Variants in HCN1 observed in about 807,000 individuals in gnomAD.
HCN1 encodes potassium/sodium hyperpolarization-activated cyclic nucleotide-gated channel 1.
In HCN1, 13 loss-of-function variants were observed where a neutral mutation model predicts 78.9. The ratio of observed to expected loss-of-function variants is 0.16; its 90% confidence interval spans 0.11 to 0.26. The LOEUF (loss-of-function observed/expected upper bound fraction) is 0.26, where lower values mean the gene tolerates loss of function less well. HCN1 is among the 10% of genes least tolerant of loss of function. The probability of loss-of-function intolerance (pLI) is 1.00; values close to 1 mark genes in which losing one functional copy is unlikely to be tolerated. For missense variants in HCN1, 810 were observed against 1,154.3 expected (o/e 0.70, Z 4.32); for synonymous variants, 552 against 455.5 (o/e 1.21, Z -2.70).
At chr5:45,467,246 G>A (rs1741292429) in intron 2 of HCN1, among the ~76,000 whole-genome samples, 1 of 152,028 alleles carries the variant, frequency 6.6e-6, no homozygotes, top group African/African-American at 2.4e-5. Flanking sequence ...CTTTCTCAAA[G>A]TTTGTTCACT....
At chr5:45,448,223 T>C (rs772055147) in intron 3 of HCN1, among the ~76,000 whole-genome samples, 3 of 152,204 alleles carry the variant, frequency 2.0e-5, no homozygotes, top group Non-Finnish European at 2.9e-5. Context: ...AATCAGTCCA[T>C]CATTTTTCTC....
intron 2 of HCN1, chr5:45,559,204 T>C (rs1290219873): frequency 6.6e-6 from 1 of 152,052 alleles, no homozygotes; most frequent in Non-Finnish European, 1.5e-5. Context: ...CTGATGGATA[T>C]GTACAAGGAA....
chr5:45,429,682 G>T (rs1276344947), intron 3 of HCN1, among the ~76,000 whole-genome samples: 1 of 152,140 alleles, frequency 6.6e-6, no homozygotes, highest in Non-Finnish European at 1.5e-5. Context: ...TATTGAATTG[G>T]TAATGAAAGT....
intron 6 of HCN1, among the ~76,000 whole-genome samples, chr5:45,274,328 G>C (rs745443880): frequency 3.0e-4 from 46 of 152,024 alleles, no homozygotes; most frequent in Non-Finnish European, 6.2e-4. Flanking sequence ...ACAAATCTTA[G>C]CTCCAAGTTC....
chr5:45,498,227 C>G (rs1317930521), intron 2 of HCN1, among the ~76,000 whole-genome samples: 1 of 152,292 alleles, frequency 6.6e-6, no homozygotes, highest in South Asian at 2.1e-4. Flanking sequence ...GTACACCAAT[C>G]AGATGTAGAT....
intron 3 of HCN1, among the ~76,000 whole-genome samples, chr5:45,426,756 A>G (rs926155677): frequency 2.0e-5 from 3 of 152,206 alleles, no homozygotes; most frequent in African/African-American, 7.2e-5. Context: ...TCTGCTCTTC[A>G]TATGAAATCT....
At chr5:45,590,393 A>G (rs1431536937) in intron 2 of HCN1, among the ~76,000 whole-genome samples, 1 of 152,156 alleles carries the variant, frequency 6.6e-6, no homozygotes, top group Non-Finnish European at 1.5e-5. Context: ...GCTTCCTCCA[A>G]CATCAACATC....
chr5:45,262,668 A>G lies in HCN1; in HGVS notation c.1926T>C (p.Pro642=), dbSNP rs758646136. Residue 642 remains proline, a synonymous_variant, in exon 8 of 8, where the codon CCT becomes CCC. Coordinates refer to ENST00000303230, the MANE Select transcript of HCN1 (RefSeq NM_021072.4). Reference sequence around the variant, plus strand: ...ATGTGGAATTCAGGGTTGTCATTTGAGGATAATTGATGGGAGCGATTGCCT... The same window carrying G: ...ATGTGGAATTCAGGGTTGTCATTTGGGGATAATTGATGGGAGCGATTGCCT... ...MVQAIAPINY[P]QMTTLNSTSS... is the part of the protein sequence containing the mutation. 1.9e-6 allele frequency: 3 copies of G among 1,614,088 alleles called. No individual in the cohort carries two copies. The African/African-American group carries it at 4.0e-5, about 22-fold the overall frequency.
chr5:45,620,242 T>G (rs1261190313), intron 2 of HCN1, among the ~76,000 whole-genome samples: 1 of 152,054 alleles, frequency 6.6e-6, no homozygotes, highest in South Asian at 2.1e-4. Context: ...GGTATGCATA[T>G]TTAATCCTAC....
At chr5:45,470,978 G>A (rs762681231) in intron 2 of HCN1, among the ~76,000 whole-genome samples, 5 of 151,794 alleles carry the variant, frequency 3.3e-5, no homozygotes, top group Non-Finnish European at 7.4e-5. Flanking sequence ...ATTTAAGTGG[G>A]AGATTGGTTA....
intron 2 of HCN1, among the ~76,000 whole-genome samples, chr5:45,610,961 A>G (rs1241928260): frequency 5.9e-5 from 9 of 152,070 alleles, no homozygotes; most frequent in Non-Finnish European, 1.2e-4. Flanking sequence ...ATAATAAAAA[A>G]CAACTTGTAA....
intron 1 of HCN1, among the ~76,000 whole-genome samples, chr5:45,693,137 T>A (rs1450583210): frequency 6.6e-6 from 1 of 152,170 alleles, no homozygotes; most frequent in African/African-American, 2.4e-5. Flanking sequence ...ACTCACACAT[T>A]CCTTTCCCTG....
chr5:45,658,923 C>A (rs1001668245), intron 1 of HCN1, among the ~76,000 whole-genome samples: 32 of 143,490 alleles, frequency 2.2e-4, no homozygotes, highest in African/African-American at 7.9e-4. Flanking sequence ...ACAAAGCAGC[C>A]GGGAAGCTCG....
chr5:45,483,758 T>C (rs1012459766), intron 2 of HCN1, among the ~76,000 whole-genome samples: 1 of 152,142 alleles, frequency 6.6e-6, no homozygotes, highest in African/African-American at 2.4e-5. Flanking sequence ...TGAAGTCTTA[T>C]ATTTAAATCT....
At chr5:45,655,514 C>T (rs1217495843) in intron 1 of HCN1, among the ~76,000 whole-genome samples, 4 of 152,092 alleles carry the variant, frequency 2.6e-5, no homozygotes, top group South Asian at 2.1e-4. Context: ...TTTTAAAAAT[C>T]GTACACTTAT....
intron 5 of HCN1, among the ~76,000 whole-genome samples, chr5:45,321,600 A>C (rs984116721): frequency 4.0e-5 from 6 of 150,376 alleles, no homozygotes; most frequent in Non-Finnish European, 8.8e-5. Flanking sequence ...TTTAATCTAA[A>C]ATTTTGCCCA....
chr5:45,355,100 C>T (rs1174022800), intron 4 of HCN1, among the ~76,000 whole-genome samples: 1 of 151,966 alleles, frequency 6.6e-6, no homozygotes, highest in African/African-American at 2.4e-5. Flanking sequence ...TCACACAAGT[C>T]ATTTAACCCT....
At chr5:45,500,063 C>G (rs374253857) in intron 2 of HCN1, among the ~76,000 whole-genome samples, 2 of 152,082 alleles carry the variant, frequency 1.3e-5, no homozygotes, top group Non-Finnish European at 2.9e-5. Flanking sequence ...TGACAAACAT[C>G]TTCTCTTGAA....
At chr5:45,330,361 C>A (rs966085296) in intron 5 of HCN1, among the ~76,000 whole-genome samples, 1 of 151,086 alleles carries the variant, frequency 6.6e-6, no homozygotes, top group Admixed American at 6.6e-5. Context: ...TTTGTTGGAA[C>A]ATTAAACCTT....
Sources: allele counts gnomAD v4.1 joint callset (sites outside exome capture counted in the v4.1 genomes callset), GRCh38; gene constraint gnomAD v4.1.1; transcripts MANE v1.5; gene names NCBI Gene and HGNC (gene_info 2026-07-23, HGNC 2026-07-21).